Variants in RARB observed in about 807,000 individuals in gnomAD.
RARB encodes the protein retinoic acid receptor beta.
In RARB, 17 loss-of-function variants were observed where a neutral mutation model predicts 51.9. That is an observed-to-expected ratio of 0.33 (90% CI 0.22 to 0.49). The LOEUF (loss-of-function observed/expected upper bound fraction) is 0.49, where lower values mean the gene tolerates loss of function less well. Ranked by LOEUF, RARB falls within the 20% of genes least tolerant of loss-of-function variation. RARB has a pLI of 0.99. For synonymous variants in RARB, 215 were observed against 195.4 expected (o/e 1.10, Z -0.84); for missense variants, 369 against 550.8 (o/e 0.67, Z 3.30).
intron 2 of RARB, among the ~76,000 whole-genome samples, chr3:24,876,337 G>C (rs1703042507): frequency 6.6e-6 from 1 of 152,050 alleles, no homozygotes; most frequent in Non-Finnish European, 1.5e-5. Context: ...TTTGCTTAAT[G>C]GTAATTTTCT....
intron 5 of RARB, among the ~76,000 whole-genome samples, chr3:25,199,316 T>A (rs908132508): frequency 2.0e-5 from 3 of 151,080 alleles, no homozygotes; most frequent in African/African-American, 7.3e-5. Flanking sequence ...CGTTGAAGGT[T>A]GGGGGTGGGG....
chr3:25,018,338 C>T (rs1295662834), intron 2 of RARB, among the ~76,000 whole-genome samples: 2 of 152,184 alleles, frequency 1.3e-5, no homozygotes, highest in Non-Finnish European at 2.9e-5. Flanking sequence ...TATAATCATT[C>T]TTCCCCCTCT....
intron 2 of RARB, among the ~76,000 whole-genome samples, chr3:25,059,367 G>T (rs1305847523): frequency 4.0e-5 from 6 of 151,540 alleles, no homozygotes; most frequent in African/African-American, 1.5e-4. Flanking sequence ...GATATATGAT[G>T]AAAAATATCC....
At chr3:24,836,620 A>G (rs1347672861) in intron 1 of RARB, among the ~76,000 whole-genome samples, 3 of 152,172 alleles carry the variant, frequency 2.0e-5, no homozygotes, top group African/African-American at 7.2e-5. Flanking sequence ...GCTCTTTATG[A>G]TCTGGCCCCT....
rs1289189799 is a variant in RARB at position 25,363,003 on chromosome 3, G to C, written c.179-98190G>C. Among the ~76,000 whole-genome samples the C allele has an allele frequency of 2.6e-5, 4 of 152,040 alleles. No individual in the cohort carries two copies. The East Asian group carries it at 7.7e-4, about 29-fold the overall frequency. On this transcript the variant is annotated intron_variant, in intron 5 of 11. Coordinates refer to the RARB transcript ENST00000383772. ...AGTTATTACTTTCAATCGATTTACA[G>C]GTCCTGGCAATTGAAACATGAAAGT...
At chr3:25,031,085 C>T (rs866327435) in intron 2 of RARB, among the ~76,000 whole-genome samples, 1 of 152,068 alleles carries the variant, frequency 6.6e-6, no homozygotes, top group African/African-American at 2.4e-5. Context: ...AAGGGTTGTC[C>T]CGTGCATTGT....
intron 2 of RARB, among the ~76,000 whole-genome samples, chr3:25,035,938 T>G (rs1697983545): frequency 6.6e-6 from 1 of 152,210 alleles, no homozygotes; most frequent in Non-Finnish European, 1.5e-5. Flanking sequence ...TGAACTGCCA[T>G]GGAGGGCCAC....
At position 25,167,931 on chromosome 3, in the gene RARB, A is replaced by G. The variant is rs373159655; in HGVS notation, c.-279-6188A>G. On this transcript the variant is annotated intron_variant, in intron 4 of 11. Coordinates refer to the RARB transcript ENST00000383772. The stretch of plus-strand genomic sequence containing the variant: ...TCAATGGAGTTATCCAAGAGTCCCA[A>G]ATAAAAAGCCCATTAATCTGACATT... Among the ~76,000 whole-genome samples, 10 of 152,344 alleles carry G rather than the reference A, an allele frequency of 6.6e-5. No individual in the cohort carries two copies. The South Asian group carries it at 1.9e-3, about 28-fold the overall frequency.
At chr3:24,850,045 T>A (rs2125335813) in intron 1 of RARB, among the ~76,000 whole-genome samples, 1 of 152,352 alleles carries the variant, frequency 6.6e-6, no homozygotes. Flanking sequence ...TTGCATTTGC[T>A]GAAGACCTCC....
chr3:25,336,333 A>G (rs146578051), intron 5 of RARB, among the ~76,000 whole-genome samples: 2 of 152,374 alleles, frequency 1.3e-5, no homozygotes, highest in African/African-American at 4.8e-5. Context: ...GCCTCAAGAT[A>G]AATAACACAA....
In RARB at chr3:25,001,894, C is replaced by T. The variant is rs138298332; in HGVS notation, c.-379-58231C>T. ...CCAAGCTCAAGCAATTCTCCCATTTCGGCCTCCCAAGTAGCTAGGACCACA... is the reference window on the plus strand; with the variant it reads ...CCAAGCTCAAGCAATTCTCCCATTTTGGCCTCCCAAGTAGCTAGGACCACA... On this transcript the variant is annotated intron_variant, in intron 2 of 11. Transcript: ENST00000383772. Among the ~76,000 whole-genome samples, 1,158 of 152,190 alleles carry T rather than the reference C, an allele frequency of 7.6e-3. 10 individuals carry two copies. The highest frequency in any genetic ancestry group is 0.021 in the African/African-American group (860 of 41,524).
intron 5 of RARB, among the ~76,000 whole-genome samples, chr3:25,278,288 A>G (rs1703440570): frequency 6.6e-6 from 1 of 152,228 alleles, no homozygotes; most frequent in African/African-American, 2.4e-5. Context: ...ATTAAATGAA[A>G]TAATGTATGT....
At chr3:25,026,930 A>T (rs1167335264) in intron 2 of RARB, among the ~76,000 whole-genome samples, 1 of 152,168 alleles carries the variant, frequency 6.6e-6, no homozygotes, top group Non-Finnish European at 1.5e-5. Context: ...TTAGGAAGCG[A>T]TGAGTTTTAG....
At position 24,864,593 on chromosome 3, in the gene RARB, CCTT is replaced by C. The variant is rs1240676120; in HGVS notation, c.-380+5845_-380+5847del. On this transcript the variant is annotated intron_variant, in intron 2 of 11. Coordinates refer to the RARB transcript ENST00000383772. ...ACTCAGTTTACTCTTCAACCTTGTT[CCTT>C]CTTTATTGCTAGTCTCAACTCCTGG... 7.9e-5 allele frequency among the ~76,000 whole-genome samples: 12 copies of C among 152,302 alleles called. No individual in the cohort carries two copies. In the South Asian group the frequency reaches 2.5e-3, roughly 32 times the overall value.
chr3:24,884,351 A>T (rs1703231383), intron 2 of RARB, among the ~76,000 whole-genome samples: 1 of 152,030 alleles, frequency 6.6e-6, no homozygotes, highest in African/African-American at 2.4e-5. Context: ...GAACCTACTT[A>T]TTGTGCATTT....
At chr3:25,562,750 G>C (rs959095235) in intron 3 of RARB, among the ~76,000 whole-genome samples, 3 of 152,210 alleles carry the variant, frequency 2.0e-5, no homozygotes, top group African/African-American at 4.8e-5. Context: ...CACCGTGCTT[G>C]TCTGAAAATG....
At chr3:25,425,854 A>G (rs1322895048), upstream of RARB, among the ~76,000 whole-genome samples, 1 of 152,198 alleles carries the variant, frequency 6.6e-6, no homozygotes, top group Admixed American at 6.5e-5. Flanking sequence ...GGACCAGTGC[A>G]TCTCTACTCT....
chr3:25,164,713 T>C (rs1185520064), intron 4 of RARB, among the ~76,000 whole-genome samples: 2 of 152,228 alleles, frequency 1.3e-5, no homozygotes, highest in African/African-American at 2.4e-5. Context: ...AATTTTTCTT[T>C]TATAAAATGA....
At chr3:24,919,450 C>A (rs934314968) in intron 2 of RARB, among the ~76,000 whole-genome samples, 2 of 152,066 alleles carry the variant, frequency 1.3e-5, no homozygotes, top group African/African-American at 2.4e-5. Context: ...GCCAACTGTT[C>A]AAACCCTGTT....
Sources: allele counts gnomAD v4.1 joint callset (sites outside exome capture counted in the v4.1 genomes callset), GRCh38; gene constraint gnomAD v4.1.1; transcripts MANE v1.5; gene names NCBI Gene and HGNC (gene_info 2026-07-23, HGNC 2026-07-21).